WDR81: variants seen among roughly 807,000 people sequenced by gnomAD.
The protein encoded by WDR81 is WD repeat domain 81.
WDR81 carries 92 observed loss-of-function variants against 140.8 expected under a neutral mutation model. That is an observed-to-expected ratio of 0.65 (90% CI 0.55 to 0.78). The LOEUF (loss-of-function observed/expected upper bound fraction) is 0.78. Among genes scored for constraint, WDR81 ranks in the 30% least tolerant of loss-of-function variants. The probability of loss-of-function intolerance (pLI) is 0.00; values close to 1 mark genes in which losing one functional copy is unlikely to be tolerated. For synonymous variants in WDR81, 1,183 were observed against 1,156.4 expected, an observed-to-expected ratio of 1.02 and a Z score of -0.47; for missense variants, 2,502 against 2,636.4, an observed-to-expected ratio of 0.95 and a Z score of 1.12.
chr17:1,724,724 G>A lies in WDR81; in HGVS notation c.-236G>A, dbSNP rs1915095919. 5.5e-6 allele frequency: 6 copies of A among 1,099,478 alleles called. No individual in the cohort carries two copies. Among genetic ancestry groups the A allele is most frequent in the African/African-American group, 1.7e-5 (1 of 60,252 alleles). 68.1% of individuals were successfully genotyped at this position (1,099,478 alleles called of 1,614,324 possible). A position where few individuals can be genotyped will look rare whatever the true frequency, so the allele number is the denominator to read the frequency against. On this transcript the variant is annotated 5_prime_UTR_variant, in exon 1 of 10. Coordinates refer to ENST00000409644, the MANE Select transcript of WDR81 (RefSeq NM_001163809.2). ...GCGTCAGCTGACCCGTCACGGTGGA[G>A]CCCGGTGCTCGCGCCCGGCAGCCTC...
chr17:1,736,286 AG>A lies in WDR81; in HGVS notation c.5505+71del, dbSNP rs1000622696. 3.5e-5 allele frequency: 54 copies of A among 1,526,754 alleles called. No individual in the cohort carries two copies. In the African/African-American group the frequency reaches 6.8e-4, roughly 19 times the overall value. 94.6% of individuals were successfully genotyped at this position (1,526,754 alleles called of 1,614,324 possible). A position where few individuals can be genotyped will look rare whatever the true frequency, so the allele number is the denominator to read the frequency against. Reference sequence around the variant, plus strand: ...CCCTGTCCAGCCATCACCCCTGCTTAGGGTCTGCCTGCCCGGGTTCAGGCTC... The same window carrying A: ...CCCTGTCCAGCCATCACCCCTGCTTAGGTCTGCCTGCCCGGGTTCAGGCTC... On this transcript the variant is annotated intron_variant, in intron 9 of 9. Transcript: ENST00000409644.
upstream of WDR81, among the ~76,000 whole-genome samples, chr17:1,722,683 TTTTC>T (rs756539250): frequency 6.7e-5 from 9 of 134,352 alleles, no homozygotes; most frequent in East Asian, 9.4e-4. Flanking sequence ...TTTTCTTTTC[TTTTC>T]TTTCTTTCTT....
In WDR81 at chr17:1,725,599, G is replaced by A. The variant is rs879781259; in HGVS notation, c.640G>A (p.Ala214Thr). ...EGPCPPRGSP[A>T]CPSLLRAEAL... ...CCCCTGCCCCCCTCGGGGCAGCCCTGCTTGCCCTAGTCTTTTACGGGCTGA... is the reference window on the plus strand; with the variant it reads ...CCCCTGCCCCCCTCGGGGCAGCCCTACTTGCCCTAGTCTTTTACGGGCTGA... Residue 214 changes from alanine to threonine, a missense_variant, in exon 1 of 10, where the codon GCT (alanine) becomes ACT (threonine). Ala to Thr is a moderately conservative substitution (Grantham distance 58). Transcript: ENST00000409644. The A allele has an allele frequency of 2.3e-5, 36 of 1,545,108 alleles. No homozygotes were observed. Among genetic ancestry groups the A allele is most frequent in the Middle Eastern group, 1.7e-4 (1 of 6,014 alleles).
upstream of WDR81, among the ~76,000 whole-genome samples, chr17:1,721,949 C>A (rs186580096): frequency 6.6e-6 from 1 of 152,008 alleles, no homozygotes; most frequent in Non-Finnish European, 1.5e-5. Flanking sequence ...CATGGAGAAA[C>A]CCTGTCTCTA....
intron 6 of WDR81, among the ~76,000 whole-genome samples, chr17:1,733,175 C>T (rs1053105018): frequency 1.1e-4 from 17 of 152,110 alleles, no homozygotes; most frequent in Non-Finnish European, 2.1e-4. Flanking sequence ...CTGTGCTGAT[C>T]GTTTCAGCGT....
Position 1,737,916 on chromosome 17 carries a change from G to A in WDR81, c.*231G>A, listed in dbSNP as rs777154276. 1.7e-6 allele frequency: 1 copy of A among 601,498 alleles called. No homozygotes were observed. The highest frequency in any genetic ancestry group is 2.8e-5 in the East Asian group (1 of 35,618). 37.3% of individuals were successfully genotyped at this position (601,498 alleles called of 1,614,324 possible). A position where few individuals can be genotyped will look rare whatever the true frequency, so the allele number is the denominator to read the frequency against. ...GTCTCATTCATGGCTTGGGGACACAGGGCTCCTAGCAAGCAGGAAGTTAAG... is the reference window on the plus strand; with the variant it reads ...GTCTCATTCATGGCTTGGGGACACAAGGCTCCTAGCAAGCAGGAAGTTAAG... On this transcript the variant is annotated 3_prime_UTR_variant, in exon 10 of 10. Transcript: ENST00000409644.
At chr17:1,723,297 C>A (rs1914975265), upstream of WDR81, among the ~76,000 whole-genome samples, 1 of 152,110 alleles carries the variant, frequency 6.6e-6, no homozygotes, top group Non-Finnish European at 1.5e-5. Flanking sequence ...GGCCAATCTT[C>A]AACAGGAAGT....
In WDR81 at chr17:1,726,502, C is replaced by G; in HGVS notation, c.1543C>G (p.Pro515Ala). ...CCCCGACATGCCTGACCTGGATGTGCCAGCCTGGTGCAGCTCCAGCCAGGA... is the reference window on the plus strand; with the variant it reads ...CCCCGACATGCCTGACCTGGATGTGGCAGCCTGGTGCAGCTCCAGCCAGGA... ...IHPDMPDLDVPAWCSSSQEFV... is the reference protein window; with the variant it reads ...IHPDMPDLDVAAWCSSSQEFV... The change falls in exon 1 of 10, where the codon CCA becomes GCA. Residue 515 changes from proline (P) to alanine (A), a missense_variant. Physicochemically the swap from Pro to Ala is conservative, Grantham distance 27. This residue lies in a region of WDR81 where 218 missense variants were observed against 279.6 expected (regional missense o/e 0.78). Transcript: ENST00000409644. The G allele has an allele frequency of 6.4e-7, 1 of 1,550,496 alleles. No individual in the cohort carries two copies. The highest frequency in any genetic ancestry group is 8.7e-7 in the Non-Finnish European group (1 of 1,147,004).
Position 1,733,393 on chromosome 17 carries a change from C to T in WDR81, c.4490-134C>T, listed in dbSNP as rs1904538909. ...TTTCACTGAGGAGGAAACTGAGGCT[C>T]AGAGACAGAGTTACTTGCCCAGAGT... On this transcript the variant is annotated intron_variant, in intron 6 of 9. Transcript: ENST00000409644. The T allele has an allele frequency of 3.8e-5, 32 of 851,654 alleles. No individual in the cohort carries two copies. In the South Asian group the frequency reaches 6.0e-4, roughly 16 times the overall value. 52.8% of individuals were successfully genotyped at this position (851,654 alleles called of 1,614,324 possible).
At position 1,726,192 on chromosome 17, in the gene WDR81, G is replaced by A. The variant is rs1422015456; in HGVS notation, c.1233G>A (p.Lys411=). Residue 411 remains lysine (K), a synonymous_variant, in exon 1 of 10, where the codon AAG becomes AAA. Transcript: ENST00000409644. ...KSKFRLNKGD[K]QLDFTYEMTR... is the part of the protein sequence containing the mutation. ...AGTTCCGCCTCAACAAGGGGGATAA[G>A]CAACTGGACTTCACGTATGAGATGA... The A allele has an allele frequency of 6.6e-7, 1 of 1,522,060 alleles. No individual in the cohort carries two copies. The highest frequency in any genetic ancestry group is 2.0e-5 in the Admixed American group (1 of 48,952). 94.3% of individuals were successfully genotyped at this position (1,522,060 alleles called of 1,614,324 possible). A position where few individuals can be genotyped will look rare whatever the true frequency, so the allele number is the denominator to read the frequency against.
At chr17:1,723,453 TTATTTTTA>T (rs1309369813), upstream of WDR81, among the ~76,000 whole-genome samples, 1,366 of 124,752 alleles carry the variant, frequency 0.011, 8 homozygotes, top group Middle Eastern at 0.016. Flanking sequence ...TTTTATTTAT[TTATTTTTA>T]TTTATTTATT....
At chr17:1,732,555 G>C in intron 5 of WDR81, 65 bp downstream of exon 5, 1 of 1,587,848 alleles carries the variant, frequency 6.3e-7, no homozygotes, top group Middle Eastern at 2.2e-4. Context: ...GACCCCCTGG[G>C]CATCTTGCTC....
At chr17:1,737,339 G>C (rs779898473) in intron 9 of WDR81, 26 bp from the exon 10 acceptor site, 1 of 1,576,836 alleles carries the variant, frequency 6.3e-7, no homozygotes, top group Non-Finnish European at 8.6e-7. Flanking sequence ...CCAGGCTCCT[G>C]CTGAGGCTCT....
intron 9 of WDR81, 35 bp downstream of exon 9, chr17:1,736,253 AC>A (rs1567729371): frequency 1.3e-6 from 2 of 1,573,854 alleles, no homozygotes; most frequent in South Asian, 1.1e-5. Context: ...TTGCTGCCCA[AC>A]CCCCGCCCCT....
At position 1,738,493 on chromosome 17, in the gene WDR81, T is replaced by C. The variant is rs1426083638; in HGVS notation, c.*808T>C. ...TAAGCATCCCTGCGACCTCACATTC[T>C]AGACAGAGATGAGGTCCAGGGGTTG... is the stretch of plus-strand genomic sequence containing the variant. On this transcript the variant is annotated 3_prime_UTR_variant, in exon 10 of 10. Coordinates refer to ENST00000409644, the MANE Select transcript of WDR81 (RefSeq NM_001163809.2). 6.5e-6 allele frequency: 1 copy of C among 152,724 alleles called. No homozygotes were observed. The highest frequency in any genetic ancestry group is 1.5e-5 in the Non-Finnish European group (1 of 68,348). The allele number at this position is 152,724 out of a possible 1,614,324, so 9.5% of individuals were successfully genotyped here.
rs1190311413 is a variant in WDR81, at chr17:1,728,106, G to T, written c.3147G>T (p.Glu1049Asp). 1 of 1,603,660 alleles carries T rather than the reference G, an allele frequency of 6.2e-7. No individual in the cohort carries two copies. The highest frequency in any genetic ancestry group is 2.2e-5 in the East Asian group (1 of 44,480). Reference sequence around the variant, plus strand: ...CTGGCTCCTGTGCTTTTGGGGAGGAGATTCCCATGGATGGGGAGCCTCCTG... The same window carrying T: ...CTGGCTCCTGTGCTTTTGGGGAGGATATTCCCATGGATGGGGAGCCTCCTG... ...AGPGSCAFGEEIPMDGEPPAS... is the reference protein window; with the variant it reads ...AGPGSCAFGEDIPMDGEPPAS... Residue 1049 changes from glutamate (E) to aspartate (D), a missense_variant, in exon 1 of 10, where the codon GAG becomes GAT. Glu to Asp is a conservative substitution (Grantham distance 45). Transcript: ENST00000409644.
rs1158177058 is a variant in WDR81, at chr17:1,727,857, C to T, written c.2898C>T (p.Leu966=). 3 of 1,550,748 alleles carry T rather than the reference C, an allele frequency of 1.9e-6. No individual in the cohort carries two copies. The highest frequency in any genetic ancestry group is 2.4e-5 in the East Asian group (1 of 40,926). Residue 966 remains leucine (L), a synonymous_variant, in exon 1 of 10, where the codon CTC becomes CTT. Transcript: ENST00000409644. ...CCAATAAGTACCTCCTGAAGCCGCT[C>T]ATTGGTGCCTACGAGAGCCCCTGCC... is the stretch of plus-strand genomic sequence containing the variant. ...KNANKYLLKP[L]IGAYESPCQL... is the part of the protein sequence containing the mutation.
rs1260448488 is a variant in WDR81 at position 1,725,756 on chromosome 17, G to A, written c.797G>A (p.Arg266His). The change falls in exon 1 of 10, where the codon CGC becomes CAC. Residue 266 changes from arginine (R) to histidine (H), a missense_variant. Transcript: ENST00000409644. ...SQAKVLFILFRVLRAMDACHR... is the reference protein window; with the variant it reads ...SQAKVLFILFHVLRAMDACHR... ...GCCAAGGTGCTGTTCATTCTCTTCC[G>A]CGTGCTGAGGGCTATGGACGCCTGT... The A allele has an allele frequency of 2.6e-6, 4 of 1,550,624 alleles. No homozygotes were observed. The highest frequency in any genetic ancestry group is 3.5e-6 in the Non-Finnish European group (4 of 1,147,024).
Position 1,733,753 on chromosome 17 carries a change from T to C in WDR81, c.4716T>C (p.Asn1572=), listed in dbSNP as rs776112165. The C allele has an allele frequency of 1.4e-5, 22 of 1,612,282 alleles. No individual in the cohort carries two copies. The South Asian group carries it at 2.3e-4, about 17-fold the overall frequency. ...VLVGNRIQIP[N]DSRPENPGPL... is the part of the protein sequence containing the mutation. Reference sequence around the variant, plus strand: ...TGGGGAACCGCATTCAGATCCCCAATGACTCTCGGCCTGAGAACCCCGGAC... The same window carrying C: ...TGGGGAACCGCATTCAGATCCCCAACGACTCTCGGCCTGAGAACCCCGGAC... Residue 1572 remains asparagine (N), a synonymous_variant, in exon 7 of 10, where the codon AAT becomes AAC. Coordinates refer to ENST00000409644, the MANE Select transcript of WDR81 (RefSeq NM_001163809.2).
Sources: gnomAD v4.1 joint callset for allele counts (sites outside exome capture counted in the v4.1 genomes callset) on GRCh38, gnomAD v4.1.1 for gene constraint, gnomAD v4.1.1 regional missense constraint, MANE v1.5 for transcripts, NCBI Gene and HGNC (gene_info 2026-07-23, HGNC 2026-07-21) for gene names.